PHLPP1: variants seen among roughly 807,000 people sequenced by gnomAD.
PHLPP1 encodes the protein PH domain leucine-rich repeat-containing protein phosphatase 1.
PHLPP1 carries 42 observed loss-of-function variants against 117.2 expected under a neutral mutation model. The ratio of observed to expected loss-of-function variants is 0.36; its 90% CI spans 0.28 to 0.46. PHLPP1 has a LOEUF of 0.46. Ranked by LOEUF, PHLPP1 falls within the 20% of genes least tolerant of loss-of-function variation. The pLI is 1.00. For synonymous variants in PHLPP1, 1,042 were observed against 970.7 expected, an observed-to-expected ratio of 1.07 and a Z score of -1.37; for missense variants, 2,084 against 2,241.9, an observed-to-expected ratio of 0.93 and a Z score of 1.42.
At chr18:62,937,231 A>G (rs1485586203) in intron 10 of PHLPP1, among the ~76,000 whole-genome samples, 23 of 152,222 alleles carry the variant, frequency 1.5e-4, no homozygotes, top group Non-Finnish European at 2.6e-4. Context: ...GAGCAGAGCA[A>G]TTGCTCAAGA....
At chr18:62,912,302 TAA>T (rs36028962) in intron 8 of PHLPP1, among the ~76,000 whole-genome samples, 7,372 of 131,454 alleles carry the variant, frequency 0.056, 536 homozygotes, top group African/African-American at 0.2. Context: ...TAGAGTATAA[TAA>T]AAAAAAAAAA....
chr18:62,962,672 G>A (rs1447390488), intron 13 of PHLPP1, among the ~76,000 whole-genome samples: 1 of 152,214 alleles, frequency 6.6e-6, no homozygotes, highest in Non-Finnish European at 1.5e-5. Flanking sequence ...TTTGGGTCCT[G>A]TTGGATCAAT....
chr18:62,875,313 A>G (rs911317639), intron 4 of PHLPP1, among the ~76,000 whole-genome samples: 2 of 152,174 alleles, frequency 1.3e-5, no homozygotes, highest in Non-Finnish European at 2.9e-5. Context: ...AAAAAAAAGT[A>G]TACCACCAGC....
chr18:62,881,393 T>C (rs1188761208), intron 4 of PHLPP1, among the ~76,000 whole-genome samples: 1 of 152,246 alleles, frequency 6.6e-6, no homozygotes, highest in Non-Finnish European at 1.5e-5. Context: ...TGAAAAATTA[T>C]GAGTTTTAGC....
At chr18:62,972,462 C>T in intron 14 of PHLPP1, 52 bp from the exon 15 acceptor site, 2 of 1,519,496 alleles carry the variant, frequency 1.3e-6, no homozygotes, top group Non-Finnish European at 9.0e-7. Flanking sequence ...CTGGGCTGGG[C>T]CTGGAGCAGG....
intron 4 of PHLPP1, among the ~76,000 whole-genome samples, chr18:62,874,337 A>G (rs959966751): frequency 1.5e-4 from 23 of 151,852 alleles, no homozygotes; most frequent in African/African-American, 5.1e-4. Flanking sequence ...TTGAAACCCT[A>G]TCTCTACTAA....
At chr18:62,967,685 T>C (rs989010569) in intron 14 of PHLPP1, among the ~76,000 whole-genome samples, 5 of 152,202 alleles carry the variant, frequency 3.3e-5, no homozygotes, top group Non-Finnish European at 7.3e-5. Flanking sequence ...CATAGACTTT[T>C]TCTGTATCAA....
At position 62,716,978 on chromosome 18, in the gene PHLPP1, A is replaced by T. The variant is rs770054324; in HGVS notation, c.1295A>T (p.Glu432Val). Residue 432 changes from glutamate to valine, a missense_variant, in exon 1 of 17, where the codon GAG (glutamate) becomes GTG (valine). Around this residue, in one of 2 missense-constraint regions of PHLPP1, gnomAD observed 719 missense variants for 636.0 expected, o/e 1.13. Coordinates refer to ENST00000262719, the MANE Select transcript of PHLPP1 (RefSeq NM_194449.4). This position sits in a 1 kb window ranked among gnomAD's most constrained non-coding sequence, Gnocchi z 5.7. Reference protein sequence around the residue: ...AIDSPGGAVREGSCEEKAAAA... With the variant: ...AIDSPGGAVRVGSCEEKAAAA... Reference sequence around the variant, plus strand: ...GACAGCCCGGGCGGGGCCGTCCGCGAGGGGTCGTGCGAGGAGAAGGCAGCG... The same window carrying T: ...GACAGCCCGGGCGGGGCCGTCCGCGTGGGGTCGTGCGAGGAGAAGGCAGCG... 1 of 1,541,130 alleles carries T rather than the reference A, an allele frequency of 6.5e-7. No individual in the cohort carries two copies.
chr18:62,912,704 C>G (rs1161225655), intron 8 of PHLPP1, among the ~76,000 whole-genome samples: 1 of 152,134 alleles, frequency 6.6e-6, no homozygotes, highest in Non-Finnish European at 1.5e-5. Context: ...ACTGCAACCT[C>G]TACTTCCTGG....
Position 62,978,248 on chromosome 18 carries a change from C to G in PHLPP1, c.3985-14C>G. ...CTGTATTAACTGTCTGTCTGCAAAC[C>G]CTTGTTCTTCCAGGATGGCAAGGTG... is the stretch of plus-strand genomic sequence containing the variant. On this transcript the variant is annotated splice_polypyrimidine_tract_variant and intron_variant, in intron 16 of 16. Coordinates refer to ENST00000262719, the MANE Select transcript of PHLPP1 (RefSeq NM_194449.4). The surrounding 1 kb of genome is among the most constrained non-coding windows in gnomAD (Gnocchi z 7.0). 1 of 1,537,396 alleles carries G rather than the reference C, an allele frequency of 6.5e-7. No homozygotes were observed. The highest frequency in any genetic ancestry group is 8.9e-7 in the Non-Finnish European group (1 of 1,120,160).
intron 3 of PHLPP1, among the ~76,000 whole-genome samples, chr18:62,847,199 G>A (rs1207097655): frequency 6.6e-6 from 1 of 152,072 alleles, no homozygotes; most frequent in Non-Finnish European, 1.5e-5. Context: ...CCTTCCTCCT[G>A]TCTTCTCATC....
chr18:62,863,808 C>G (rs1272284050), intron 4 of PHLPP1, among the ~76,000 whole-genome samples: 1 of 152,104 alleles, frequency 6.6e-6, no homozygotes, highest in Non-Finnish European at 1.5e-5. Flanking sequence ...GTTTTATCAG[C>G]AAGATCTTTG....
intron 1 of PHLPP1, among the ~76,000 whole-genome samples, chr18:62,723,138 T>A (rs1438178220): frequency 1.3e-5 from 2 of 152,212 alleles, no homozygotes; most frequent in Non-Finnish European, 2.9e-5. Flanking sequence ...CTTGTGGAGG[T>A]GTAAGCCTAG....
At chr18:62,977,440 A>C (rs1408627143) in intron 16 of PHLPP1, among the ~76,000 whole-genome samples, 3 of 151,722 alleles carry the variant, frequency 2.0e-5, no homozygotes, top group Non-Finnish European at 4.4e-5. Flanking sequence ...AAAAAAAAAA[A>C]AAAAAAAAAA....
At chr18:62,949,113 G>C (rs1008824397) in intron 12 of PHLPP1, among the ~76,000 whole-genome samples, 2 of 152,132 alleles carry the variant, frequency 1.3e-5, no homozygotes, top group African/African-American at 4.8e-5. Context: ...AAAATAAAGT[G>C]CAGTAGGTGT....
chr18:62,933,396 C>T (rs1167465566), intron 10 of PHLPP1, among the ~76,000 whole-genome samples: 3 of 152,046 alleles, frequency 2.0e-5, no homozygotes, highest in Non-Finnish European at 2.9e-5. Context: ...AAAACAGCAT[C>T]GAACTGTTAC....
rs957045594 is a variant in PHLPP1, at chr18:62,960,171, G to A, written c.3455+1412G>A. Among the ~76,000 whole-genome samples, 83 of 152,184 alleles carry A rather than the reference G, an allele frequency of 5.5e-4. 1 individual carries two copies. The highest frequency in any genetic ancestry group is 2.0e-3 in the African/African-American group (83 of 41,524). ...ATTGCACCAAAATTTGTTAATAAAT[G>A]GAAGTAGCCACTTAGAGAAAAATTA... On this transcript the variant is annotated intron_variant, in intron 13 of 16. Coordinates refer to ENST00000262719, the MANE Select transcript of PHLPP1 (RefSeq NM_194449.4).
chr18:62,724,585 T>C (rs1323000805), intron 1 of PHLPP1, among the ~76,000 whole-genome samples: 1 of 152,214 alleles, frequency 6.6e-6, no homozygotes, highest in Non-Finnish European at 1.5e-5. Context: ...TTTGATGATC[T>C]GTCCAGTGTT....
rs894603143 is a variant in PHLPP1 at position 62,931,517 on chromosome 18, C to CA, written c.2961-10189dup. Reference sequence around the variant, plus strand: ...GAGGAGAACTAAATGAAATTGAGACCAAAAAAAAAAAAGAGTCAGTGAAAC... The same window carrying CA: ...GAGGAGAACTAAATGAAATTGAGACCAAAAAAAAAAAAAGAGTCAGTGAAAC... On this transcript the variant is annotated intron_variant, in intron 10 of 16. Transcript: ENST00000262719. 7.9e-3 allele frequency among the ~76,000 whole-genome samples: 802 copies of CA among 101,820 alleles called. 2 individuals carry two copies. Among genetic ancestry groups the CA allele is most frequent in the African/African-American group, 0.01 (272 of 27,198 alleles). The allele number at this position is 101,820 out of a possible 152,430, so 66.8% of individuals were successfully genotyped here. A position where few individuals can be genotyped will look rare whatever the true frequency, so the allele number is the denominator to read the frequency against.
Sources: gnomAD v4.1 joint callset for allele counts (sites outside exome capture counted in the v4.1 genomes callset) on GRCh38, gnomAD v4.1.1 for gene constraint, gnomAD v4.1.1 regional missense constraint, Gnocchi (gnomAD v3.1) non-coding constraint, MANE v1.5 for transcripts, NCBI Gene and HGNC (gene_info 2026-07-23, HGNC 2026-07-21) for gene names.